The following CMSS1 variants were observed in gnomAD, a reference collection of about 807,000 sequenced individuals.
CMSS1 encodes protein CMSS1.
CMSS1 carries 33 observed loss-of-function variants against 43.5 expected under a neutral mutation model. The observed-to-expected ratio is 0.76, with a 90% confidence interval of 0.57 to 1.01. The LOEUF is 1.01. Ranked by LOEUF, CMSS1 falls within the 50% of genes least tolerant of loss-of-function variation. The pLI is 0.00. For missense variants in CMSS1, 313 were observed against 326.4 expected, an observed-to-expected ratio of 0.96 and a Z score of 0.32; for synonymous variants, 115 against 117.2, an observed-to-expected ratio of 0.98 and a Z score of 0.12.
chr3:100,057,570 TC>T (rs750168693), intron 1 of CMSS1, among the ~76,000 whole-genome samples: 1 of 152,140 alleles, frequency 6.6e-6, no homozygotes, highest in Non-Finnish European at 1.5e-5. Context: ...AAAAGTCTGC[TC>T]CCCTCCTGCA....
chr3:100,035,095 G>T (rs895599497), intron 1 of CMSS1, among the ~76,000 whole-genome samples: 2 of 152,084 alleles, frequency 1.3e-5, no homozygotes, highest in Non-Finnish European at 2.9e-5. Flanking sequence ...TATCATAAAT[G>T]TATATTCGAA....
chr3:99,924,253 G>A (rs767633355), intron 1 of CMSS1: 15 of 1,613,706 alleles, frequency 9.3e-6, no homozygotes, highest in Non-Finnish European at 1.2e-5. Context: ...GTTCTAGTAG[G>A]CATATGAATT....
At chr3:99,929,370 C>CT (rs1707398996) in intron 1 of CMSS1, among the ~76,000 whole-genome samples, 1 of 152,176 alleles carries the variant, frequency 6.6e-6, no homozygotes, top group Non-Finnish European at 1.5e-5. Flanking sequence ...TTTAAAAACT[C>CT]TATTTCTTGG....
chr3:100,172,292 TTCTTC>T lies in CMSS1; in HGVS notation c.580-19_580-15del. On this transcript the variant is annotated intron_variant, in intron 7 of 9. Transcript: ENST00000421999. Reference sequence around the variant, plus strand: ...CACTTTCTTAATGACTTCCTTTTCTTTCTTCTCTTTCATCTTGGAACAGGTCCAGG... The same window carrying T: ...CACTTTCTTAATGACTTCCTTTTCTTTCTTTCATCTTGGAACAGGTCCAGG... 2 of 1,605,562 alleles carry T rather than the reference TTCTTC, an allele frequency of 1.2e-6. No homozygotes were observed. Among genetic ancestry groups the T allele is most frequent in the East Asian group, 4.5e-5 (2 of 44,838 alleles).
chr3:100,093,836 T>C (rs952773084), intron 1 of CMSS1, among the ~76,000 whole-genome samples: 1 of 152,196 alleles, frequency 6.6e-6, no homozygotes, highest in African/African-American at 2.4e-5. Context: ...TTTTCACTTA[T>C]CACATAGCAC....
chr3:99,985,503 A>T (rs1709312393), intron 1 of CMSS1, among the ~76,000 whole-genome samples: 1 of 152,222 alleles, frequency 6.6e-6, no homozygotes, highest in African/African-American at 2.4e-5. Flanking sequence ...GTCTCAAAAA[A>T]ACAAGGTGAG....
intron 1 of CMSS1, among the ~76,000 whole-genome samples, chr3:99,921,872 A>C (rs6791889): frequency 0.067 from 10,132 of 152,058 alleles, 399 homozygotes; most frequent in Middle Eastern, 0.085. Context: ...CTTTATCCCC[A>C]CTGATCTTTT....
intron 6 of CMSS1, among the ~76,000 whole-genome samples, chr3:100,171,003 G>A (rs1418738542): frequency 2.0e-5 from 3 of 152,098 alleles, no homozygotes; most frequent in African/African-American, 7.2e-5. Context: ...GAGAGTCTTA[G>A]GCCCATAGTC....
In CMSS1 at chr3:100,181,186, A is replaced by C. The variant is rs2107537502; in HGVS notation, c.*2798A>C. 6.6e-6 allele frequency: 1 copy of C among 152,370 alleles called. No individual in the cohort carries two copies. The highest frequency in any genetic ancestry group is 1.9e-4 in the East Asian group (1 of 5,188). 9.4% of individuals were successfully genotyped at this position (152,370 alleles called of 1,614,324 possible). ...TTCGACATGAAACTTGGGTGGGGACACAGCCAAACCACATCAGCAGGGTAG... is the reference window on the plus strand; with the variant it reads ...TTCGACATGAAACTTGGGTGGGGACCCAGCCAAACCACATCAGCAGGGTAG... On this transcript the variant is annotated 3_prime_UTR_variant, in exon 10 of 10. Transcript: ENST00000421999.
At chr3:100,172,176 G>T in intron 7 of CMSS1, 140 bp from the exon 8 acceptor site, 2 of 719,250 alleles carry the variant, frequency 2.8e-6, no homozygotes, top group Non-Finnish European at 4.6e-6. Context: ...GCTCATCTCT[G>T]CCCTGGAAGT....
At chr3:99,918,599 A>G (rs1400225524) in intron 1 of CMSS1, among the ~76,000 whole-genome samples, 2 of 152,174 alleles carry the variant, frequency 1.3e-5, no homozygotes, top group African/African-American at 2.4e-5. Flanking sequence ...AAGGCATTGT[A>G]TGGAAACCGC....
chr3:99,889,363 C>A (rs2107612427), intron 1 of CMSS1, among the ~76,000 whole-genome samples: 1 of 152,064 alleles, frequency 6.6e-6, no homozygotes, highest in Non-Finnish European at 1.5e-5. Flanking sequence ...ACTTTAAGTT[C>A]ATTTTGTTTG....
At chr3:99,959,841 A>G (rs947312982) in intron 1 of CMSS1, among the ~76,000 whole-genome samples, 2 of 152,190 alleles carry the variant, frequency 1.3e-5, no homozygotes, top group East Asian at 1.9e-4. Flanking sequence ...CAGTAAGATT[A>G]TGAGCATGGT....
chr3:100,062,893 G>T (rs1359473472), intron 1 of CMSS1, among the ~76,000 whole-genome samples: 2 of 152,144 alleles, frequency 1.3e-5, no homozygotes, highest in Admixed American at 6.5e-5. Flanking sequence ...CATGAGACCT[G>T]GTTCTAGTCT....
intron 1 of CMSS1, among the ~76,000 whole-genome samples, chr3:99,852,695 C>T (rs1396373155): frequency 2.6e-5 from 4 of 152,082 alleles, no homozygotes; most frequent in East Asian, 1.9e-4. Context: ...CCACCTGCCT[C>T]GGCCTCCCAA....
rs71907944 is a variant in CMSS1 at position 100,062,093 on chromosome 3, C to CTTT, written c.65-84846_65-84844dup. 1.3e-3 allele frequency among the ~76,000 whole-genome samples: 68 copies of CTTT among 53,174 alleles called. 21 individuals carry two copies. Among genetic ancestry groups the CTTT allele is most frequent in the African/African-American group, 3.9e-3 (44 of 11,236 alleles). The allele number at this position is 53,174 out of a possible 152,430, so 34.9% of individuals were successfully genotyped here. ...CCACTTGTGGTTATCCTGTCTTCTTCTTTTTTTTTTTTTTTTTTTTTTTTT... is the reference window on the plus strand; with the variant it reads ...CCACTTGTGGTTATCCTGTCTTCTTCTTTTTTTTTTTTTTTTTTTTTTTTTTTT... On this transcript the variant is annotated intron_variant, in intron 1 of 9. Coordinates refer to ENST00000421999, the MANE Select transcript of CMSS1 (RefSeq NM_032359.4).
At chr3:99,866,596 A>C (rs907082865) in intron 1 of CMSS1, among the ~76,000 whole-genome samples, 2 of 152,166 alleles carry the variant, frequency 1.3e-5, no homozygotes, top group African/African-American at 4.8e-5. Flanking sequence ...AAATAGGGAA[A>C]TTTAATACAT....
chr3:100,170,260 A>G (rs2067099045), intron 6 of CMSS1, among the ~76,000 whole-genome samples: 1 of 152,252 alleles, frequency 6.6e-6, no homozygotes, highest in South Asian at 2.1e-4. Context: ...TTCTCAAAAT[A>G]TAATAATGAT....
chr3:100,137,937 A>G (rs1431038246), intron 1 of CMSS1, among the ~76,000 whole-genome samples: 2 of 152,218 alleles, frequency 1.3e-5, no homozygotes, highest in Non-Finnish European at 2.9e-5. Context: ...TAGAAACTAT[A>G]TACTCAGAAA....
Sources: allele counts gnomAD v4.1 joint callset (sites outside exome capture counted in the v4.1 genomes callset), GRCh38; gene constraint gnomAD v4.1.1; transcripts MANE v1.5; gene names NCBI Gene and HGNC (gene_info 2026-07-23, HGNC 2026-07-21).